Variants in FAM13A observed in about 807,000 individuals in gnomAD.
FAM13A encodes the protein protein FAM13A.
In FAM13A, 76 loss-of-function variants were observed where a neutral mutation model predicts 129.6. The observed-to-expected ratio is 0.59, with a 90% CI of 0.49 to 0.71. The LOEUF (loss-of-function observed/expected upper bound fraction) is 0.71, where lower values mean the gene tolerates loss of function less well. Ranked by LOEUF, FAM13A falls within the 30% of genes least tolerant of loss-of-function variation. The pLI is 0.00. For synonymous variants in FAM13A, 443 were observed against 449.9 expected (o/e 0.98, Z 0.20); for missense variants, 1,108 against 1,249.3 (o/e 0.89, Z 1.70).
At chr4:89,007,943 G>A (rs1765262935) in intron 3 of FAM13A, among the ~76,000 whole-genome samples, 1 of 152,044 alleles carries the variant, frequency 6.6e-6, no homozygotes, top group Non-Finnish European at 1.5e-5. Flanking sequence ...ACTCGAACAA[G>A]TATATTCTCA....
At chr4:88,764,664 A>G (rs187453817) in intron 13 of FAM13A, among the ~76,000 whole-genome samples, 1 of 152,240 alleles carries the variant, frequency 6.6e-6, no homozygotes, top group East Asian at 1.9e-4. Flanking sequence ...AAGACTCTAG[A>G]TTTTGCATGC....
At chr4:88,884,274 C>T (rs1027864080) in intron 6 of FAM13A, among the ~76,000 whole-genome samples, 3 of 151,976 alleles carry the variant, frequency 2.0e-5, no homozygotes, top group Non-Finnish European at 4.4e-5. Flanking sequence ...TAACCAAATC[C>T]AACAGCATAT....
rs931732599 is a variant in FAM13A, at chr4:88,823,341, C to T, written c.1008-18289G>A. 11 of 1,093,546 alleles carry T rather than the reference C, an allele frequency of 1.0e-5. No homozygotes were observed. In the South Asian group the frequency reaches 1.7e-4, roughly 17 times the overall value. The allele number at this position is 1,093,546 out of a possible 1,614,324, so 67.7% of individuals were successfully genotyped here. The stretch of plus-strand genomic sequence containing the variant: ...GGCGCTCCTCCTCCTCCCCCGCACC[C>T]TACTCCTTCTGCTCCTCAATGGTCC... On this transcript the variant is annotated intron_variant, in intron 7 of 23. Transcript: ENST00000264344.
rs561414140 is a variant in FAM13A at position 88,747,557 on chromosome 4, A to G, written c.2382+74T>C. ...AGGCATCATCTTCCCACTGGGATTC[A>G]CGTGGCATGCCCTGTGTCTCTACCA... On this transcript the variant is annotated intron_variant, in intron 18 of 23. Transcript: ENST00000264344. The G allele has an allele frequency of 3.6e-4, 438 of 1,213,004 alleles. 1 individual carries two copies. In the South Asian group the frequency reaches 5.3e-3, roughly 15 times the overall value. The allele number at this position is 1,213,004 out of a possible 1,614,324, so 75.1% of individuals were successfully genotyped here.
chr4:88,800,862 C>T (rs1561028502), intron 8 of FAM13A, among the ~76,000 whole-genome samples: 1 of 151,918 alleles, frequency 6.6e-6, no homozygotes, highest in Non-Finnish European at 1.5e-5. Context: ...TTGTTTGTTC[C>T]ACTTCTTAGT....
intron 3 of FAM13A, among the ~76,000 whole-genome samples, chr4:89,014,882 A>G (rs1233249274): frequency 6.6e-6 from 1 of 152,258 alleles, no homozygotes; most frequent in Non-Finnish European, 1.5e-5. Context: ...TCAGGGAACA[A>G]GGGAGATAAC....
At chr4:88,829,302 G>A (rs1733520224) in intron 7 of FAM13A, among the ~76,000 whole-genome samples, 1 of 152,206 alleles carries the variant, frequency 6.6e-6, no homozygotes, top group Admixed American at 6.5e-5. Context: ...AGCAGGGTAT[G>A]GTGGTATGTG....
At chr4:88,797,076 T>C (rs980939089) in intron 8 of FAM13A, among the ~76,000 whole-genome samples, 2 of 152,158 alleles carry the variant, frequency 1.3e-5, no homozygotes, top group African/African-American at 2.4e-5. Context: ...TTCATTACTT[T>C]CTTTGCCTTT....
rs764467023 is a variant in FAM13A, at chr4:88,747,881, T to G, written c.2162-30A>C. The G allele has an allele frequency of 7.7e-6, 11 of 1,433,830 alleles. 1 individual carries two copies. In the South Asian group the frequency reaches 1.3e-4, roughly 17 times the overall value. The allele number at this position is 1,433,830 out of a possible 1,614,324, so 88.8% of individuals were successfully genotyped here. On this transcript the variant is annotated intron_variant, in intron 17 of 23. Coordinates refer to ENST00000264344, the MANE Select transcript of FAM13A (RefSeq NM_014883.4). ...TTGAGAAGATTTGGGGGTAAAGATA[T>G]ATGAGATTTATTTATTTATTTATTT...
chr4:89,047,695 T>C (rs1460462340), intron 1 of FAM13A, among the ~76,000 whole-genome samples: 2 of 152,092 alleles, frequency 1.3e-5, no homozygotes, highest in Non-Finnish European at 2.9e-5. Context: ...GAACCAGCGG[T>C]GAAAACTAGC....
chr4:89,032,456 G>T (rs1237127196), intron 1 of FAM13A, among the ~76,000 whole-genome samples: 1 of 152,130 alleles, frequency 6.6e-6, no homozygotes, highest in African/African-American at 2.4e-5. Flanking sequence ...AGGTTTTACT[G>T]TTAGAATAAT....
intron 17 of FAM13A, among the ~76,000 whole-genome samples, chr4:88,748,240 T>C (rs974247162): frequency 6.6e-6 from 1 of 152,214 alleles, no homozygotes; most frequent in African/African-American, 2.4e-5. Flanking sequence ...TTTTCTGTAG[T>C]ATCAATAACT....
rs772925186 is a variant in FAM13A at position 88,781,358 on chromosome 4, T to C, written c.1272-7A>G. Reference sequence around the variant, plus strand: ...TTCTTTGTTGATAAGTCCCCTTGAATTGAGAAAAAAGCTTAATTTTATTTT... The same window carrying C: ...TTCTTTGTTGATAAGTCCCCTTGAACTGAGAAAAAAGCTTAATTTTATTTT... On this transcript the variant is annotated splice_region_variant and splice_polypyrimidine_tract_variant and intron_variant, in intron 10 of 23. Transcript: ENST00000264344. 1 of 1,577,868 alleles carries C rather than the reference T, an allele frequency of 6.3e-7. No homozygotes were observed. The highest frequency in any genetic ancestry group is 1.9e-5 in the Admixed American group (1 of 54,024).
At chr4:88,915,598 C>A (rs1367995918) in intron 5 of FAM13A, among the ~76,000 whole-genome samples, 1 of 152,114 alleles carries the variant, frequency 6.6e-6, no homozygotes, top group African/African-American at 2.4e-5. Flanking sequence ...AAATGGCAAC[C>A]AGTCATTTCC....
chr4:88,946,401 C>CTTTTTT (rs3067813), intron 4 of FAM13A, among the ~76,000 whole-genome samples: 72 of 91,652 alleles, frequency 7.9e-4, no homozygotes, highest in African/African-American at 2.1e-3. Flanking sequence ...CTCCCGCGTT[C>CTTTTTT]TTTTTTTTTT....
At chr4:89,031,344 T>C (rs1022538848) in intron 1 of FAM13A, among the ~76,000 whole-genome samples, 3 of 152,216 alleles carry the variant, frequency 2.0e-5, no homozygotes, top group Non-Finnish European at 4.4e-5. Flanking sequence ...TTATTTTATC[T>C]GCTTACACAG....
At chr4:89,017,763 T>A (rs909870176) in intron 3 of FAM13A, among the ~76,000 whole-genome samples, 7 of 152,174 alleles carry the variant, frequency 4.6e-5, no homozygotes, top group African/African-American at 1.7e-4. Context: ...AAGGATTTAA[T>A]GTTTCCAAAT....
intron 3 of FAM13A, among the ~76,000 whole-genome samples, chr4:89,011,928 C>A (rs1413305362): frequency 6.6e-6 from 1 of 152,134 alleles, no homozygotes; most frequent in East Asian, 1.9e-4. Flanking sequence ...AAATCACACA[C>A]TCCTTAAAAT....
rs553947301 is a variant in FAM13A at position 88,795,635 on chromosome 4, T to C, written c.1050-5008A>G. 7.9e-5 allele frequency among the ~76,000 whole-genome samples: 12 copies of C among 151,978 alleles called. No homozygotes were observed. In the East Asian group the frequency reaches 1.7e-3, roughly 22 times the overall value. On this transcript the variant is annotated intron_variant, in intron 8 of 23. Coordinates refer to ENST00000264344, the MANE Select transcript of FAM13A (RefSeq NM_014883.4). ...AGTTTACACAGCTCCATTCTATCTA[T>C]GTAGTCTGGCTTCAGGGTATGTCCT...
Sources: gnomAD v4.1 joint callset for allele counts (sites outside exome capture counted in the v4.1 genomes callset) on GRCh38, gnomAD v4.1.1 for gene constraint, MANE v1.5 for transcripts, NCBI Gene and HGNC (gene_info 2026-07-23, HGNC 2026-07-21) for gene names.